Variants in RPS6KA5 observed in about 807,000 individuals in gnomAD.
RPS6KA5 encodes the protein ribosomal protein S6 kinase A5.
Under a neutral mutation model 85.5 loss-of-function variants are expected in RPS6KA5, and 27 were observed. The observed-to-expected ratio is 0.32, with a 90% confidence interval of 0.23 to 0.44. RPS6KA5 has a LOEUF of 0.44. Among genes scored for constraint, RPS6KA5 ranks in the 20% least tolerant of loss-of-function variants. RPS6KA5 has a pLI of 1.00. For synonymous variants in RPS6KA5, 334 were observed against 348.2 expected (o/e 0.96, Z 0.46); for missense variants, 811 against 980.9 (o/e 0.83, Z 2.31).
chr14:90,950,669 CTGA>C (rs1361905536), intron 3 of RPS6KA5, among the ~76,000 whole-genome samples: 1 of 152,124 alleles, frequency 6.6e-6, no homozygotes, highest in African/African-American at 2.4e-5. Context: ...CTTTATCCTG[CTGA>C]TATGATATAT....
Position 90,871,984 on chromosome 14 carries a change from G to T in RPS6KA5, c.*90C>A. The T allele has an allele frequency of 1.3e-6, 2 of 1,489,244 alleles. No individual in the cohort carries two copies. The highest frequency in any genetic ancestry group is 1.8e-6 in the Non-Finnish European group (2 of 1,111,296). 92.3% of individuals were successfully genotyped at this position (1,489,244 alleles called of 1,614,324 possible). Reference sequence around the variant, plus strand: ...GGAGGCAGATTCCAATGAGACCAACGGGAAACATTTTTAAAAGCATAAAAG... The same window carrying T: ...GGAGGCAGATTCCAATGAGACCAACTGGAAACATTTTTAAAAGCATAAAAG... On this transcript the variant is annotated 3_prime_UTR_variant, in exon 17 of 17. Coordinates refer to ENST00000614987, the MANE Select transcript of RPS6KA5 (RefSeq NM_004755.4).
chr14:90,924,726 G>A (rs1452068019), intron 5 of RPS6KA5, among the ~76,000 whole-genome samples: 1 of 152,194 alleles, frequency 6.6e-6, no homozygotes, highest in Admixed American at 6.5e-5. Flanking sequence ...ATACTCATGT[G>A]TTTTAAGTGA....
At chr14:90,938,521 C>G (rs1226262078) in intron 5 of RPS6KA5, among the ~76,000 whole-genome samples, 1 of 152,220 alleles carries the variant, frequency 6.6e-6, no homozygotes, top group East Asian at 1.9e-4. Flanking sequence ...AGCAGAGGTT[C>G]TCCGTGAGGG....
chr14:90,857,621 G>A lies in RPS6KA5; in HGVS notation c.*14453C>T, dbSNP rs1488205187. The A allele has an allele frequency of 1.3e-5, 2 of 152,178 alleles. No individual in the cohort carries two copies. Among genetic ancestry groups the A allele is most frequent in the Non-Finnish European group, 2.9e-5 (2 of 68,032 alleles). 9.4% of individuals were successfully genotyped at this position (152,178 alleles called of 1,614,324 possible). On this transcript the variant is annotated 3_prime_UTR_variant, in exon 17 of 17. Coordinates refer to ENST00000614987, the MANE Select transcript of RPS6KA5 (RefSeq NM_004755.4). ...AAGGTAGGCCAAATATTGATGTAGTGTGGGTGAACTGTGAACTGCATTAAG... is the reference window on the plus strand; with the variant it reads ...AAGGTAGGCCAAATATTGATGTAGTATGGGTGAACTGTGAACTGCATTAAG...
In RPS6KA5 at chr14:90,948,556, G is replaced by A. The variant is rs2037996680; in HGVS notation, c.395-1006C>T. On this transcript the variant is annotated intron_variant, in intron 3 of 16. Transcript: ENST00000614987. ...CTAAAAATACAAAAATTAATCGGGC[G>A]TGGTGGCAGTTGCCTGTAGTCCCAG... Among the ~76,000 whole-genome samples the A allele has an allele frequency of 3.3e-5, 5 of 152,094 alleles. No individual in the cohort carries two copies. In the South Asian group the frequency reaches 8.3e-4, roughly 25 times the overall value.
chr14:91,037,184 C>A (rs1199285963), intron 1 of RPS6KA5, among the ~76,000 whole-genome samples: 1 of 152,134 alleles, frequency 6.6e-6, no homozygotes, highest in African/African-American at 2.4e-5. Context: ...TCTAAACAGG[C>A]ACTGGAAGCA....
chr14:91,019,142 T>C (rs577848650), intron 1 of RPS6KA5, among the ~76,000 whole-genome samples: 1 of 152,264 alleles, frequency 6.6e-6, no homozygotes, highest in South Asian at 2.1e-4. Context: ...AGGAGATGTG[T>C]AAGGGTACCG....
chr14:91,055,882 C>G (rs748745161), intron 1 of RPS6KA5, among the ~76,000 whole-genome samples: 9 of 152,200 alleles, frequency 5.9e-5, no homozygotes, highest in African/African-American at 2.2e-4. Context: ...GCTCAAGCCA[C>G]GCTATGGAGA....
In RPS6KA5 at chr14:90,902,838, G is replaced by C; in HGVS notation, c.1089C>G (p.Ala363=). 1 of 1,613,964 alleles carries C rather than the reference G, an allele frequency of 6.2e-7. No individual in the cohort carries two copies. The highest frequency in any genetic ancestry group is 8.5e-7 in the Non-Finnish European group (1 of 1,179,942). ...TEMDPTYSPA[A]LPQSSEKLFQ... ...ACAGCTTCTCAGAACTCTGGGGCAG[G>C]GCTGCGGGAGAATAAGTGGGATCCA... Residue 363 remains alanine (A), a synonymous_variant, in exon 9 of 17, where the codon GCC becomes GCG. Transcript: ENST00000614987.
chr14:91,034,118 G>A (rs989296229), intron 1 of RPS6KA5, among the ~76,000 whole-genome samples: 1 of 151,996 alleles, frequency 6.6e-6, no homozygotes, highest in African/African-American at 2.4e-5. Flanking sequence ...ACCAGCCTGG[G>A]CAACACAGCA....
rs755761076 is a variant in RPS6KA5 at position 90,943,052 on chromosome 14, C to T, written c.618+26G>A. On this transcript the variant is annotated intron_variant, in intron 5 of 16. Transcript: ENST00000614987. ...CATCCTTGTTTACATGCTGTTATTACTAACTTCAAATTAAAATATACTCAC... is the reference window on the plus strand; with the variant it reads ...CATCCTTGTTTACATGCTGTTATTATTAACTTCAAATTAAAATATACTCAC... The T allele has an allele frequency of 2.3e-6, 3 of 1,302,294 alleles. No homozygotes were observed. In the African/African-American group the frequency reaches 4.4e-5, roughly 19 times the overall value. The allele number at this position is 1,302,294 out of a possible 1,614,324, so 80.7% of individuals were successfully genotyped here.
chr14:90,877,842 C>T (rs1308287403), intron 14 of RPS6KA5, among the ~76,000 whole-genome samples: 1 of 152,226 alleles, frequency 6.6e-6, no homozygotes, highest in Admixed American at 6.5e-5. Flanking sequence ...AATTCCTTAA[C>T]TTCTCTTAGA....
intron 3 of RPS6KA5, among the ~76,000 whole-genome samples, chr14:90,964,926 A>AC (rs1311363424): frequency 1.3e-5 from 2 of 149,640 alleles, no homozygotes; most frequent in African/African-American, 4.9e-5. Flanking sequence ...AAAAAAAAAA[A>AC]AAAAAAAAAC....
intron 14 of RPS6KA5, among the ~76,000 whole-genome samples, chr14:90,889,861 A>C (rs1274827199): frequency 6.6e-6 from 1 of 152,168 alleles, no homozygotes; most frequent in Admixed American, 6.5e-5. Flanking sequence ...AGTAATTTTC[A>C]CCTTGCTCCT....
Position 90,855,048 on chromosome 14 carries a change from G to A in RPS6KA5, c.*17026C>T, listed in dbSNP as rs901992976. On this transcript the variant is annotated 3_prime_UTR_variant, in exon 17 of 17. Transcript: ENST00000614987. The stretch of plus-strand genomic sequence containing the variant: ...ACATTTCATCTCTTTGCTTTGCCAG[G>A]AACAAAGTTTCAAGTGATATCTCCA... The A allele has an allele frequency of 7.9e-5, 12 of 151,994 alleles. No homozygotes were observed. The highest frequency in any genetic ancestry group is 4.4e-5 in the Non-Finnish European group (3 of 68,012). 9.4% of individuals were successfully genotyped at this position (151,994 alleles called of 1,614,324 possible). A position where few individuals can be genotyped will look rare whatever the true frequency, so the allele number is the denominator to read the frequency against.
At chr14:90,960,036 C>CCT (rs1274773145) in intron 3 of RPS6KA5, among the ~76,000 whole-genome samples, 1 of 152,164 alleles carries the variant, frequency 6.6e-6, no homozygotes, top group East Asian at 1.9e-4. Context: ...TGCCACACTC[C>CCT]CTCTCAGCGT....
intron 1 of RPS6KA5, among the ~76,000 whole-genome samples, chr14:91,025,088 A>G (rs767577549): frequency 2.2e-4 from 33 of 151,994 alleles, no homozygotes; most frequent in Non-Finnish European, 4.0e-4. Flanking sequence ...TCAGTCGCCC[A>G]GGCTGGAGTG....
At chr14:90,894,389 G>C (rs200539689) in intron 13 of RPS6KA5, 24 bp downstream of exon 13, 1 of 1,608,516 alleles carries the variant, frequency 6.2e-7, no homozygotes, top group Non-Finnish European at 8.5e-7. Context: ...ACTGAATTAC[G>C]TAAGAGATCC....
chr14:90,927,734 GA>G (rs1233351366), intron 5 of RPS6KA5, among the ~76,000 whole-genome samples: 1 of 151,992 alleles, frequency 6.6e-6, no homozygotes, highest in Non-Finnish European at 1.5e-5. Context: ...TCTTCAAGGA[GA>G]AATGGACAAA....
Sources: allele counts gnomAD v4.1 joint callset (sites outside exome capture counted in the v4.1 genomes callset), GRCh38; gene constraint gnomAD v4.1.1; transcripts MANE v1.5; gene names NCBI Gene and HGNC (gene_info 2026-07-23, HGNC 2026-07-21).